Variants in IL34 observed in about 807,000 individuals in gnomAD.
IL34 encodes interleukin-34.
In IL34, 17 loss-of-function variants were observed where a neutral mutation model predicts 25.3. The observed-to-expected ratio is 0.67, with a 90% CI of 0.46 to 1.01. The LOEUF is 1.01. Among genes scored for constraint, IL34 ranks in the 50% least tolerant of loss-of-function variants. IL34 has a pLI of 0.00. For synonymous variants in IL34, 174 were observed against 140.9 expected, an observed-to-expected ratio of 1.23 and a Z score of -1.66; for missense variants, 368 against 312.9, an observed-to-expected ratio of 1.18 and a Z score of -1.33.
At chr16:70,637,844 A>G (rs2151858626) in intron 1 of IL34, among the ~76,000 whole-genome samples, 1 of 152,252 alleles carries the variant, frequency 6.6e-6, no homozygotes, top group African/African-American at 2.4e-5. Flanking sequence ...TTATTTTGCT[A>G]TGCTCTATTT....
At position 70,586,300 on chromosome 16, in the gene IL34, C is replaced by CT. The variant is rs2050693963; in HGVS notation, c.-401+6252dup. 2.0e-5 allele frequency among the ~76,000 whole-genome samples: 3 copies of CT among 152,308 alleles called. No homozygotes were observed. In the South Asian group the frequency reaches 6.2e-4, roughly 32 times the overall value. ...TACAAAAATCCCTTCAAGGCCTGGC[C>CT]TGGTGGCTCACATCTGTAATCCAGC... On this transcript the variant is annotated intron_variant, in intron 1 of 6. Coordinates refer to the IL34 transcript ENST00000429149.
intron 1 of IL34, among the ~76,000 whole-genome samples, chr16:70,622,174 C>T (rs1307437878): frequency 1.3e-5 from 2 of 152,038 alleles, no homozygotes; most frequent in African/African-American, 4.8e-5. Flanking sequence ...GGAATTATGT[C>T]TGACAAAAGG....
intron 1 of IL34, among the ~76,000 whole-genome samples, chr16:70,590,836 C>T (rs375874996): frequency 1.3e-5 from 2 of 152,306 alleles, no homozygotes; most frequent in African/African-American, 4.8e-5. Flanking sequence ...AAGCTGGCCT[C>T]TCCCTGCCCC....
At chr16:70,628,278 G>T (rs1031265830) in intron 1 of IL34, among the ~76,000 whole-genome samples, 1 of 152,050 alleles carries the variant, frequency 6.6e-6, no homozygotes, top group East Asian at 1.9e-4. Flanking sequence ...TACTTATGAT[G>T]TTAAATCTTC....
intron 1 of IL34, among the ~76,000 whole-genome samples, chr16:70,648,552 TAA>T (rs56164163): frequency 1.9e-4 from 14 of 73,304 alleles, no homozygotes; most frequent in Admixed American, 3.5e-4. Context: ...ACCCTGTCTT[TAA>T]AAAAAAAAAA....
chr16:70,580,671 C>T (rs2050626857), intron 1 of IL34, among the ~76,000 whole-genome samples: 1 of 151,264 alleles, frequency 6.6e-6, no homozygotes, highest in Non-Finnish European at 1.5e-5. Context: ...ATCCCAGCTA[C>T]TTGGGAGGCT....
chr16:70,656,265 G>A (rs958846163), intron 2 of IL34, among the ~76,000 whole-genome samples: 2 of 152,170 alleles, frequency 1.3e-5, no homozygotes, highest in African/African-American at 2.4e-5. Flanking sequence ...GGCCGGGCAT[G>A]GTGGCTCATA....
intron 1 of IL34, among the ~76,000 whole-genome samples, chr16:70,583,430 G>A (rs1158681660): frequency 6.6e-6 from 1 of 152,088 alleles, no homozygotes; most frequent in East Asian, 1.9e-4. Flanking sequence ...GTTTTGAGAT[G>A]CCTGTTCTTG....
chr16:70,612,933 C>A (rs565792779), intron 1 of IL34, among the ~76,000 whole-genome samples: 1 of 152,256 alleles, frequency 6.6e-6, no homozygotes, highest in Non-Finnish European at 1.5e-5. Context: ...TCACCACGCC[C>A]AGCTAATTTT....
chr16:70,603,710 G>C (rs1483553730), intron 1 of IL34, among the ~76,000 whole-genome samples: 2 of 152,068 alleles, frequency 1.3e-5, no homozygotes, highest in African/African-American at 2.4e-5. Context: ...TGAACAACTG[G>C]GAGTACACAC....
At chr16:70,647,581 C>A (rs746116146) in intron 1 of IL34, among the ~76,000 whole-genome samples, 4 of 152,234 alleles carry the variant, frequency 2.6e-5, no homozygotes, top group Non-Finnish European at 4.4e-5. Flanking sequence ...CCCTCAGTCT[C>A]CAAGATCCAG....
chr16:70,653,077 C>T (rs2052120629), intron 1 of IL34, among the ~76,000 whole-genome samples: 1 of 152,060 alleles, frequency 6.6e-6, no homozygotes, highest in Admixed American at 6.6e-5. Context: ...GTAGTAGCCC[C>T]TGCTTGTAAT....
chr16:70,622,446 T>A (rs1303629988), intron 1 of IL34, among the ~76,000 whole-genome samples: 1 of 140,866 alleles, frequency 7.1e-6, no homozygotes, highest in Non-Finnish European at 1.6e-5. Flanking sequence ...ATTTCCACGA[T>A]GGAAAGGAAA....
intron 1 of IL34, among the ~76,000 whole-genome samples, chr16:70,620,959 C>G (rs1048853859): frequency 2.0e-5 from 3 of 151,992 alleles, no homozygotes; most frequent in Non-Finnish European, 4.4e-5. Context: ...AGAGTAGAGA[C>G]ACGGAGAAGG....
chr16:70,637,112 G>A (rs1157554186), intron 1 of IL34, among the ~76,000 whole-genome samples: 3 of 151,426 alleles, frequency 2.0e-5, no homozygotes, highest in South Asian at 2.1e-4. Flanking sequence ...TGCCTGCCTC[G>A]GCCTCTCAAA....
At chr16:70,655,574 T>A (rs1173208662) in intron 2 of IL34, among the ~76,000 whole-genome samples, 1 of 151,654 alleles carries the variant, frequency 6.6e-6, no homozygotes, top group Non-Finnish European at 1.5e-5. Flanking sequence ...TTTTTTTGAG[T>A]AGAGACAGGG....
intron 1 of IL34, 57 bp downstream of exon 1, chr16:70,647,032 G>C: frequency 7.2e-7 from 1 of 1,390,882 alleles, no homozygotes; most frequent in Non-Finnish European, 9.4e-7. Flanking sequence ...CTAGATCCAG[G>C]ATCTGCCGTA....
chr16:70,596,094 G>T (rs1172698754), intron 1 of IL34, among the ~76,000 whole-genome samples: 1 of 152,076 alleles, frequency 6.6e-6, no homozygotes, highest in Admixed American at 6.5e-5. Flanking sequence ...GGAAGACCAA[G>T]ATCAAGGCGC....
At chr16:70,654,400 C>T (rs55704776) in intron 1 of IL34, 138 bp from the exon 2 acceptor site, 94,152 of 1,158,510 alleles carry the variant, frequency 0.081, 4,233 homozygotes, top group Middle Eastern at 0.13. Flanking sequence ...TTCCAGATCC[C>T]GTGCCCCCCA....
Sources: allele counts gnomAD v4.1 joint callset (sites outside exome capture counted in the v4.1 genomes callset), GRCh38; gene constraint gnomAD v4.1.1; transcripts MANE v1.5; gene names NCBI Gene and HGNC (gene_info 2026-07-23, HGNC 2026-07-21).